DYRK4: variants seen among roughly 807,000 people sequenced by gnomAD.
The protein encoded by DYRK4 is dual specificity tyrosine phosphorylation regulated kinase 4, also known as dual specificity tyrosine-phosphorylation-regulated kinase 4.
DYRK4 carries 64 observed loss-of-function variants against 68.3 expected under a neutral mutation model. The ratio of observed to expected loss-of-function variants is 0.94; its 90% CI spans 0.77 to 1.15. The LOEUF (loss-of-function observed/expected upper bound fraction) is 1.15. Ranked by LOEUF, DYRK4 falls within the 50% of genes most tolerant of loss-of-function variation. DYRK4 has a pLI of 0.00. For synonymous variants in DYRK4, 274 were observed against 289.9 expected, an observed-to-expected ratio of 0.95 and a Z score of 0.56; for missense variants, 740 against 764.7, an observed-to-expected ratio of 0.97 and a Z score of 0.38.
intron 11 of DYRK4, among the ~76,000 whole-genome samples, chr12:4,606,559 A>G (rs1218975442): frequency 2.0e-5 from 3 of 152,230 alleles, no homozygotes; most frequent in African/African-American, 7.2e-5. Context: ...TTGACTAGGC[A>G]TTTCCCAGCT....
Position 4,575,471 on chromosome 12 carries a change from G to C in DYRK4, c.132+7423G>C, listed in dbSNP as rs7973288. On this transcript the variant is annotated intron_variant, in intron 2 of 14. Transcript: ENST00000543431. ...CTACAGATGCATGCCGCCACTACCAGCTAATTTTTTTGTACTTTTAGTAGA... is the reference window on the plus strand; with the variant it reads ...CTACAGATGCATGCCGCCACTACCACCTAATTTTTTTGTACTTTTAGTAGA... 9.1e-3 allele frequency among the ~76,000 whole-genome samples: 1,387 copies of C among 152,108 alleles called. 15 individuals are homozygous for C. Among genetic ancestry groups the C allele is most frequent in the African/African-American group, 0.031 (1,299 of 41,492 alleles).
chr12:4,571,938 C>T (rs551895242), intron 2 of DYRK4, among the ~76,000 whole-genome samples: 30 of 152,318 alleles, frequency 2.0e-4, no homozygotes, highest in Non-Finnish European at 2.8e-4. Flanking sequence ...CAGACTAGCA[C>T]TTGATGTGTG....
intron 2 of DYRK4, among the ~76,000 whole-genome samples, chr12:4,571,983 T>C (rs1944734487): frequency 6.6e-6 from 1 of 152,224 alleles, no homozygotes; most frequent in Non-Finnish European, 1.5e-5. Context: ...TGTTTATTCA[T>C]TTATTTCCTC....
Position 4,592,126 on chromosome 12 carries a change from G to A in DYRK4, c.463+828G>A, listed in dbSNP as rs141395990. ...GTGCTTGTTGTTCTTAAACAACTCC[G>A]GGAACTATGCATGAAGAGGTCATTT... On this transcript the variant is annotated intron_variant, in intron 5 of 14. Coordinates refer to ENST00000543431, the MANE Select transcript of DYRK4 (RefSeq NM_001394779.1). Among the ~76,000 whole-genome samples, 524 of 152,150 alleles carry A rather than the reference G, an allele frequency of 3.4e-3. 2 individuals are homozygous for A. Among genetic ancestry groups the A allele is most frequent in the African/African-American group, 0.011 (472 of 41,496 alleles).
At chr12:4,562,321 G>T (rs766075811) in intron 1 of DYRK4, 38 bp downstream of exon 1, 26 of 1,526,764 alleles carry the variant, frequency 1.7e-5, no homozygotes, top group Non-Finnish European at 2.3e-5. Flanking sequence ...CGAGCAGTCA[G>T]GCGCGAGTAC....
At chr12:4,612,918 G>A in intron 14 of DYRK4, 200 bp downstream of exon 14, 1 of 546,526 alleles carries the variant, frequency 1.8e-6, no homozygotes. Flanking sequence ...CCTCAACCTG[G>A]GATAATTCTT....
rs1032977763 is a variant in DYRK4 at position 4,604,786 on chromosome 12, G to A, written c.1127-128G>A. 4 of 1,175,884 alleles carry A rather than the reference G, an allele frequency of 3.4e-6. No individual in the cohort carries two copies. The African/African-American group carries it at 6.3e-5, about 19-fold the overall frequency. 72.8% of individuals were successfully genotyped at this position (1,175,884 alleles called of 1,614,324 possible). A position where few individuals can be genotyped will look rare whatever the true frequency, so the allele number is the denominator to read the frequency against. On this transcript the variant is annotated intron_variant, in intron 10 of 14. Coordinates refer to ENST00000543431, the MANE Select transcript of DYRK4 (RefSeq NM_001394779.1). ...TGATGGTGTAATGGGAGTTCTAAGTGCTGGCCAGCTGCACTTCCCTTTCAC... is the reference window on the plus strand; with the variant it reads ...TGATGGTGTAATGGGAGTTCTAAGTACTGGCCAGCTGCACTTCCCTTTCAC...
In DYRK4 at chr12:4,562,217, C is replaced by A; in HGVS notation, c.-29C>A. On this transcript the variant is annotated 5_prime_UTR_variant, in exon 1 of 15. Coordinates refer to ENST00000543431, the MANE Select transcript of DYRK4 (RefSeq NM_001394779.1). ...CCTCTGCCGGGCTCTCACAGCCTCC[C>A]GCAGCGGCGGGCGGTCAGCGCCGGC... 1 of 1,524,820 alleles carries A rather than the reference C, an allele frequency of 6.6e-7. No homozygotes were observed. Among genetic ancestry groups the A allele is most frequent in the Non-Finnish European group, 8.8e-7 (1 of 1,141,498 alleles). 94.5% of individuals were successfully genotyped at this position (1,524,820 alleles called of 1,614,324 possible).
chr12:4,593,220 C>A, intron 6 of DYRK4, 55 bp downstream of exon 6: 5 of 1,572,696 alleles, frequency 3.2e-6, no homozygotes, highest in Admixed American at 1.9e-5. Context: ...AAGAGGTAGT[C>A]TAGAAAGGAA....
At chr12:4,602,071 T>A in intron 10 of DYRK4, 1 of 409,054 alleles carries the variant, frequency 2.4e-6, no homozygotes, top group Non-Finnish European at 4.4e-6. Flanking sequence ...TGCATCTTTC[T>A]CAAGGGTAGT....
chr12:4,600,320 A>T (rs1158093601), intron 10 of DYRK4, among the ~76,000 whole-genome samples: 1 of 152,054 alleles, frequency 6.6e-6, no homozygotes, highest in Non-Finnish European at 1.5e-5. Context: ...AACACGTACC[A>T]TTCAACAGAC....
intron 2 of DYRK4, among the ~76,000 whole-genome samples, chr12:4,584,168 A>G (rs1944870898): frequency 6.6e-6 from 1 of 152,232 alleles, no homozygotes; most frequent in South Asian, 2.1e-4. Flanking sequence ...GTGGCTCCCA[A>G]ATCTGCCTGC....
At chr12:4,588,780 C>A (rs1447208287) in intron 2 of DYRK4, among the ~76,000 whole-genome samples, 157 bp from the exon 3 acceptor site, 2 of 152,232 alleles carry the variant, frequency 1.3e-5, no homozygotes, top group African/African-American at 4.8e-5. Context: ...TTCATACATT[C>A]ATTGAGTACT....
chr12:4,589,158 A>G, intron 3 of DYRK4, 141 bp downstream of exon 3: 1 of 656,906 alleles, frequency 1.5e-6, no homozygotes. Flanking sequence ...CCACGTCACC[A>G]CACCCCATCT....
At chr12:4,564,880 CA>C (rs1364525222) in intron 1 of DYRK4, among the ~76,000 whole-genome samples, 4 of 152,088 alleles carry the variant, frequency 2.6e-5, no homozygotes, top group Non-Finnish European at 5.9e-5. Context: ...CAATATGAGA[CA>C]AAAAATATAT....
chr12:4,563,006 T>C lies in DYRK4; in HGVS notation c.38+723T>C, dbSNP rs868174162. Reference sequence around the variant, plus strand: ...GGAAAACCGTGACCCCTCTGACATGTCTTAAGCAACGGACAGCATCACCAA... The same window carrying C: ...GGAAAACCGTGACCCCTCTGACATGCCTTAAGCAACGGACAGCATCACCAA... On this transcript the variant is annotated intron_variant, in intron 1 of 14. Coordinates refer to ENST00000543431, the MANE Select transcript of DYRK4 (RefSeq NM_001394779.1). 6.6e-6 allele frequency: 3 copies of C among 455,074 alleles called. No homozygotes were observed. The Middle Eastern group carries it at 9.8e-4, about 148-fold the overall frequency. 28.2% of individuals were successfully genotyped at this position (455,074 alleles called of 1,614,324 possible). A position where few individuals can be genotyped will look rare whatever the true frequency, so the allele number is the denominator to read the frequency against.
chr12:4,574,137 A>C (rs1378357830), intron 2 of DYRK4, among the ~76,000 whole-genome samples: 5 of 151,356 alleles, frequency 3.3e-5, no homozygotes, highest in Admixed American at 1.3e-4. Flanking sequence ...AGGCAGGAGA[A>C]TTGCTTGAAC....
chr12:4,599,074 A>C lies in DYRK4; in HGVS notation c.952A>C (p.Ser318Arg). The change falls in exon 9 of 15, where the codon AGT (serine) becomes CGT (arginine). Residue 318 changes from serine (S) to arginine (R), a missense_variant. Physicochemically the swap from Ser to Arg is moderately radical, Grantham distance 110. Coordinates refer to ENST00000543431, the MANE Select transcript of DYRK4 (RefSeq NM_001394779.1). ...GAAGAATAACAACTTTCAAGGCTTC[A>C]GTCTGTCCATAGTTCGGCGCTTCAC... ...LMKNNNFQGF[S>R]LSIVRRFTLS... The C allele has an allele frequency of 6.2e-7, 1 of 1,614,146 alleles. No individual in the cohort carries two copies. Among genetic ancestry groups the C allele is most frequent in the African/African-American group, 1.3e-5 (1 of 75,028 alleles).
Position 4,596,266 on chromosome 12 carries a change from A to G in DYRK4, c.745A>G (p.Ile249Val), listed in dbSNP as rs1388783788. Residue 249 changes from isoleucine (I) to valine (V), a missense_variant, in exon 7 of 15, where the codon ATC (isoleucine) becomes GTC (valine). By Grantham distance (29) the Ile-to-Val change is conservative. Around this residue, in one of 3 missense-constraint regions of DYRK4, gnomAD observed 614 missense variants for 603.7 expected, o/e 1.02. Coordinates refer to ENST00000543431, the MANE Select transcript of DYRK4 (RefSeq NM_001394779.1). ...HKNNELVALK[I>V]IRNKKRFHQQ... The stretch of plus-strand genomic sequence containing the variant: ...AAACAATGAGCTGGTGGCCCTGAAA[A>G]TCATCAGGAACAAGAAGAGGTGTGG... 2 of 1,614,150 alleles carry G rather than the reference A, an allele frequency of 1.2e-6. No homozygotes were observed.
Sources: allele counts gnomAD v4.1 joint callset (sites outside exome capture counted in the v4.1 genomes callset), GRCh38; gene constraint gnomAD v4.1.1; regional missense constraint gnomAD v4.1.1; transcripts MANE v1.5; gene names NCBI Gene and HGNC (gene_info 2026-07-23, HGNC 2026-07-21).